The following MAP4K4 variants were observed in gnomAD, a reference collection of about 807,000 sequenced individuals.
The protein encoded by MAP4K4 is HPK/GCK-like kinase HGK.
MAP4K4 carries 38 observed loss-of-function variants against 189.6 expected under a neutral mutation model. That is an observed-to-expected ratio of 0.20 (90% CI 0.15 to 0.26). The LOEUF (loss-of-function observed/expected upper bound fraction) is 0.26, where lower values mean the gene tolerates loss of function less well. Among genes scored for constraint, MAP4K4 ranks in the 10% least tolerant of loss-of-function variants. MAP4K4 has a pLI of 1.00. For synonymous variants in MAP4K4, 610 were observed against 624.3 expected (o/e 0.98, Z 0.34); for missense variants, 1,054 against 1,726.9 (o/e 0.61, Z 6.91).
intron 3 of MAP4K4, among the ~76,000 whole-genome samples, chr2:101,797,623 TCAG>T (rs1038936752): frequency 1.3e-5 from 2 of 152,186 alleles, no homozygotes; most frequent in African/African-American, 4.8e-5. Context: ...GTTTCCTTAC[TCAG>T]CCTTGTGTAG....
chr2:101,871,608 T>A, exon 24 of MAP4K4: 1 of 1,536,136 alleles, frequency 6.5e-7, no homozygotes, highest in Non-Finnish European at 8.7e-7. Flanking sequence ...TTCCTCCACC[T>A]CCTCCTCCCC....
chr2:101,878,160 T>A (rs144687519), intron 27 of MAP4K4, among the ~76,000 whole-genome samples: 3 of 152,326 alleles, frequency 2.0e-5, no homozygotes, highest in African/African-American at 7.2e-5. Context: ...AGAGATCATA[T>A]CTTTTAACTT....
intron 12 of MAP4K4, among the ~76,000 whole-genome samples, chr2:101,847,985 A>G (rs1470215404): frequency 6.6e-6 from 1 of 152,178 alleles, no homozygotes; most frequent in Non-Finnish European, 1.5e-5. Flanking sequence ...TATTGCAGTT[A>G]CTTAGCATAT....
chr2:101,770,240 A>ATTTTTTTTTTTTTTTTTTTTT (rs34574782), intron 2 of MAP4K4, among the ~76,000 whole-genome samples: 3 of 75,158 alleles, frequency 4.0e-5, no homozygotes, highest in South Asian at 5.4e-4. Flanking sequence ...GTTCATTCTG[A>ATTTTTTTTTTTTTTTTTTTTT]TTTTTTTTTT....
At chr2:101,852,435 A>C (rs1402097823) in intron 12 of MAP4K4, among the ~76,000 whole-genome samples, 1 of 152,130 alleles carries the variant, frequency 6.6e-6, no homozygotes, top group South Asian at 2.1e-4. Flanking sequence ...TATAGGGGGA[A>C]AAAAGGAGAT....
At chr2:101,858,937 G>T in intron 13 of MAP4K4, 59 bp from the exon 14 acceptor site, 1 of 1,282,586 alleles carries the variant, frequency 7.8e-7, no homozygotes, top group Non-Finnish European at 1.1e-6. Context: ...GCTCCATTCA[G>T]GTGGTTCTGA....
chr2:101,789,251 C>G (rs2092402321), intron 2 of MAP4K4, among the ~76,000 whole-genome samples: 1 of 152,204 alleles, frequency 6.6e-6, no homozygotes, highest in African/African-American at 2.4e-5. Context: ...ACTATATCCT[C>G]TGAAATTCTA....
intron 20 of MAP4K4, 96 bp downstream of exon 20, chr2:101,867,405 G>C (rs537880239): frequency 2.3e-6 from 2 of 855,250 alleles, no homozygotes; most frequent in Admixed American, 4.7e-5. Flanking sequence ...TCTTTTCTGC[G>C]AGGGCCCCTC....
At chr2:101,739,385 CT>C (rs962167393) in intron 2 of MAP4K4, among the ~76,000 whole-genome samples, 6 of 142,372 alleles carry the variant, frequency 4.2e-5, no homozygotes, top group Admixed American at 7.0e-5. Context: ...GTCCTAAAGT[CT>C]TTTTTTTCCC....
chr2:101,725,460 C>A (rs991015009), intron 2 of MAP4K4, among the ~76,000 whole-genome samples: 1 of 151,264 alleles, frequency 6.6e-6, no homozygotes, highest in Admixed American at 6.6e-5. Context: ...ATCATTTACT[C>A]TTGTCTGTTT....
At chr2:101,728,217 T>C (rs542034042) in intron 2 of MAP4K4, among the ~76,000 whole-genome samples, 1 of 152,308 alleles carries the variant, frequency 6.6e-6, no homozygotes, top group Admixed American at 6.5e-5. Flanking sequence ...AGCAAGATTT[T>C]TATCAGTGGT....
chr2:101,886,657 G>A (rs1025581147), intron 29 of MAP4K4, among the ~76,000 whole-genome samples: 1 of 152,172 alleles, frequency 6.6e-6, no homozygotes, highest in Non-Finnish European at 1.5e-5. Context: ...GACTAATTTT[G>A]TAGAGTATTG....
At chr2:101,805,072 C>CAA (rs36081384) in intron 3 of MAP4K4, among the ~76,000 whole-genome samples, 43 of 56,380 alleles carry the variant, frequency 7.6e-4, no homozygotes, top group East Asian at 1.3e-3. Context: ...GACTCCAGAT[C>CAA]AAAAAAAAAA....
At chr2:101,772,241 T>C (rs1443747184) in intron 2 of MAP4K4, among the ~76,000 whole-genome samples, 2 of 152,222 alleles carry the variant, frequency 1.3e-5, no homozygotes, top group Non-Finnish European at 2.9e-5. Context: ...ATAAATTCCT[T>C]GGTTCTTATT....
At chr2:101,740,090 A>T (rs1265121008) in intron 2 of MAP4K4, among the ~76,000 whole-genome samples, 1 of 151,944 alleles carries the variant, frequency 6.6e-6, no homozygotes, top group African/African-American at 2.4e-5. Flanking sequence ...GATGGAAAGT[A>T]CTACTGAACC....
At position 101,787,613 on chromosome 2, in the gene MAP4K4, C is replaced by G. The variant is rs191211893; in HGVS notation, c.124-3107C>G. Among the ~76,000 whole-genome samples the G allele has an allele frequency of 2.6e-5, 4 of 152,146 alleles. No individual in the cohort carries two copies. In the East Asian group the frequency reaches 7.7e-4, roughly 29 times the overall value. On this transcript the variant is annotated intron_variant, in intron 2 of 32. Coordinates refer to ENST00000324219, the Ensembl canonical transcript of MAP4K4. ...AATAAATCACAGGCAAACTTTTGTC[C>G]TTTAAAAAACTCTTGGTGTAGCTTC... is the stretch of plus-strand genomic sequence containing the variant.
intron 2 of MAP4K4, among the ~76,000 whole-genome samples, chr2:101,698,992 G>A (rs139862328): frequency 1.3e-5 from 2 of 152,280 alleles, no homozygotes; most frequent in Non-Finnish European, 2.9e-5. Context: ...AGTTGCTCAA[G>A]GTGGGGAGTT....
intron 3 of MAP4K4, among the ~76,000 whole-genome samples, chr2:101,820,266 A>T (rs1211273103): frequency 6.6e-6 from 1 of 152,176 alleles, no homozygotes; most frequent in Non-Finnish European, 1.5e-5. Context: ...GCAGAGTGTG[A>T]TAGGGAACAA....
chr2:101,864,286 A>G (rs970335092), intron 17 of MAP4K4, among the ~76,000 whole-genome samples: 4 of 152,292 alleles, frequency 2.6e-5, no homozygotes, highest in African/African-American at 9.6e-5. Flanking sequence ...AAATGATGTA[A>G]GAGTAAGTCT....
Sources: gnomAD v4.1 joint callset for allele counts (sites outside exome capture counted in the v4.1 genomes callset) on GRCh38, gnomAD v4.1.1 for gene constraint, MANE v1.5 for transcripts, NCBI Gene and HGNC (gene_info 2026-07-23, HGNC 2026-07-21) for gene names.